The following DPP10 variants were observed in gnomAD, a reference collection of about 807,000 sequenced individuals.
DPP10 encodes the protein dipeptidyl peptidase like 10, also known as inactive dipeptidyl peptidase 10.
In DPP10, 33 loss-of-function variants were observed where a neutral mutation model predicts 120.9. That is an observed-to-expected ratio of 0.27 (90% CI 0.21 to 0.37). The LOEUF is 0.37. Among genes scored for constraint, DPP10 ranks in the 10% least tolerant of loss-of-function variants. The pLI, the probability that DPP10 is intolerant of heterozygous loss-of-function variation, is 1.00. For synonymous variants in DPP10, 337 were observed against 326.1 expected (o/e 1.03, Z -0.36); for missense variants, 816 against 942.8 (o/e 0.87, Z 1.76).
intron 1 of DPP10, among the ~76,000 whole-genome samples, chr2:115,038,253 T>C (rs540773293): frequency 6.7e-6 from 1 of 149,360 alleles, no homozygotes; most frequent in Admixed American, 6.7e-5. Flanking sequence ...TTTATTTATT[T>C]ATTATTTTAT....
At chr2:115,134,086 G>A (rs1362136290) in intron 1 of DPP10, among the ~76,000 whole-genome samples, 3 of 152,078 alleles carry the variant, frequency 2.0e-5, no homozygotes, top group Admixed American at 6.6e-5. Flanking sequence ...TGAGAATATC[G>A]ATCTTAAATA....
intron 1 of DPP10, chr2:114,461,912 G>A (rs750932699): frequency 1.7e-5 from 17 of 985,302 alleles, no homozygotes; most frequent in African/African-American, 1.7e-5. Flanking sequence ...TGAGAGCTGC[G>A]TGGAGCTGGT....
intron 5 of DPP10, among the ~76,000 whole-genome samples, chr2:115,541,711 T>G (rs2079179713): frequency 6.6e-6 from 1 of 151,836 alleles, no homozygotes; most frequent in Non-Finnish European, 1.5e-5. Context: ...ATTCATTCAA[T>G]AACTATCCAT....
intron 1 of DPP10, among the ~76,000 whole-genome samples, chr2:115,268,271 T>C (rs569158579): frequency 6.6e-6 from 1 of 151,870 alleles, no homozygotes; most frequent in African/African-American, 2.4e-5. Flanking sequence ...AGCTGCAGTT[T>C]ATAGGGGAAA....
intron 1 of DPP10, among the ~76,000 whole-genome samples, chr2:114,650,731 C>T (rs1696521139): frequency 6.6e-6 from 1 of 152,128 alleles, no homozygotes; most frequent in South Asian, 2.1e-4. Flanking sequence ...GGTCACAAGT[C>T]CTATCAATCC....
intron 1 of DPP10, among the ~76,000 whole-genome samples, chr2:115,164,071 G>T (rs2052645789): frequency 1.3e-5 from 2 of 152,058 alleles, no homozygotes; most frequent in Non-Finnish European, 2.9e-5. Context: ...TATTTTAAGT[G>T]CCTTTCTGAG....
Position 115,140,926 on chromosome 2 carries a change from G to GAAA in DPP10, c.61-168300_61-168298dup, listed in dbSNP as rs372992316. ...TCAAAAGATGTGACATGCTTATCTT[G>GAAA]AAAAAAAAAAAAAAACTAAAGAATG... is the stretch of plus-strand genomic sequence containing the variant. On this transcript the variant is annotated intron_variant, in intron 1 of 25. Coordinates refer to ENST00000410059, the MANE Select transcript of DPP10 (RefSeq NM_020868.6). 1.6e-3 allele frequency among the ~76,000 whole-genome samples: 217 copies of GAAA among 137,614 alleles called. 3 individuals carry two copies. The highest frequency in any genetic ancestry group is 3.5e-3 in the African/African-American group (131 of 37,100). 90.3% of individuals were successfully genotyped at this position (137,614 alleles called of 152,430 possible). A position where few individuals can be genotyped will look rare whatever the true frequency, so the allele number is the denominator to read the frequency against.
At chr2:114,605,065 C>G (rs1421997973) in intron 1 of DPP10, among the ~76,000 whole-genome samples, 1 of 151,982 alleles carries the variant, frequency 6.6e-6, no homozygotes, top group African/African-American at 2.4e-5. Context: ...AATATCAGTC[C>G]AAATACAGAA....
At chr2:114,981,340 TA>T (rs1700079187) in intron 1 of DPP10, among the ~76,000 whole-genome samples, 1 of 151,652 alleles carries the variant, frequency 6.6e-6, no homozygotes, top group Non-Finnish European at 1.5e-5. Context: ...TTGTAGCCAA[TA>T]AAAATAAGAA....
intron 1 of DPP10, among the ~76,000 whole-genome samples, chr2:115,080,718 T>A (rs1030819771): frequency 6.6e-6 from 1 of 152,202 alleles, no homozygotes; most frequent in African/African-American, 2.4e-5. Flanking sequence ...TTCCCACATA[T>A]TTCCATCTTT....
chr2:114,936,560 CA>C (rs1470783608), intron 1 of DPP10, among the ~76,000 whole-genome samples: 3 of 151,972 alleles, frequency 2.0e-5, no homozygotes, highest in Non-Finnish European at 2.9e-5. Flanking sequence ...CATGCATGTG[CA>C]AGTATCTTTT....
chr2:115,675,227 T>C (rs1159040990), intron 5 of DPP10, among the ~76,000 whole-genome samples: 1 of 152,166 alleles, frequency 6.6e-6, no homozygotes, highest in African/African-American at 2.4e-5. Context: ...TCCACACATA[T>C]ATTTTAATCC....
intron 19 of DPP10, among the ~76,000 whole-genome samples, chr2:115,800,124 A>G (rs1473980354): frequency 1.3e-5 from 2 of 150,754 alleles, no homozygotes; most frequent in Non-Finnish European, 3.0e-5. Flanking sequence ...AATGATCGCC[A>G]TTATAACTGG....
At chr2:114,863,781 A>T (rs766320029) in intron 1 of DPP10, among the ~76,000 whole-genome samples, 70 of 152,232 alleles carry the variant, frequency 4.6e-4, no homozygotes, top group Admixed American at 9.8e-4. Context: ...AGAAGAAAAT[A>T]GTATTTTTAT....
chr2:115,653,825 T>C (rs1019252975), intron 5 of DPP10, among the ~76,000 whole-genome samples: 1 of 151,856 alleles, frequency 6.6e-6, no homozygotes, highest in Non-Finnish European at 1.5e-5. Flanking sequence ...CCAATCCCTG[T>C]AGAGGATATC....
At chr2:115,608,216 C>G (rs2083838361) in intron 5 of DPP10, among the ~76,000 whole-genome samples, 1 of 151,924 alleles carries the variant, frequency 6.6e-6, no homozygotes, top group Non-Finnish European at 1.5e-5. Flanking sequence ...GGTAAAACCC[C>G]ATCTCTACTA....
intron 1 of DPP10, among the ~76,000 whole-genome samples, chr2:114,691,911 G>A (rs1410407621): frequency 6.6e-6 from 1 of 152,002 alleles, no homozygotes; most frequent in East Asian, 1.9e-4. Flanking sequence ...CTGTATTTCT[G>A]TGGGGTCAGT....
chr2:115,047,401 T>C (rs543554260), intron 1 of DPP10, among the ~76,000 whole-genome samples: 2 of 152,142 alleles, frequency 1.3e-5, no homozygotes, highest in East Asian at 1.9e-4. Flanking sequence ...TATTACATTG[T>C]GATTGAAAAA....
intron 17 of DPP10, among the ~76,000 whole-genome samples, chr2:115,788,205 AACTT>A (rs1408406191): frequency 6.6e-6 from 1 of 152,142 alleles, no homozygotes; most frequent in Non-Finnish European, 1.5e-5. Flanking sequence ...TTATGACTCT[AACTT>A]ATTATATAAA....
Sources: gnomAD v4.1 joint callset for allele counts (sites outside exome capture counted in the v4.1 genomes callset) on GRCh38, gnomAD v4.1.1 for gene constraint, MANE v1.5 for transcripts, NCBI Gene and HGNC (gene_info 2026-07-23, HGNC 2026-07-21) for gene names.